The following KDM4B variants were observed in gnomAD, a reference collection of about 807,000 sequenced individuals.
KDM4B encodes lysine demethylase 4B.
A neutral mutation model predicts 125.2 loss-of-function variants in KDM4B; 32 were observed. The observed-to-expected ratio is 0.26, with a 90% CI of 0.19 to 0.34. The LOEUF is 0.34. Ranked by LOEUF, KDM4B falls within the 10% of genes least tolerant of loss-of-function variation. The probability of loss-of-function intolerance (pLI) is 1.00; values close to 1 mark genes in which losing one functional copy is unlikely to be tolerated. For synonymous variants in KDM4B, 721 were observed against 677.9 expected (o/e 1.06, Z -0.99); for missense variants, 1,190 against 1,577.7 (o/e 0.75, Z 4.16).
chr19:4,999,590 CAT>C (rs1158858282), intron 1 of KDM4B, among the ~76,000 whole-genome samples: 1 of 152,154 alleles, frequency 6.6e-6, no homozygotes, highest in Non-Finnish European at 1.5e-5. Flanking sequence ...ATCTTACACA[CAT>C]GTACATTGTG....
intron 6 of KDM4B, among the ~76,000 whole-genome samples, chr19:5,051,539 C>T (rs768280283): frequency 1.3e-5 from 2 of 152,242 alleles, no homozygotes; most frequent in Admixed American, 6.5e-5. Flanking sequence ...CCGAGGACGT[C>T]GTGAGCTGAT....
At position 5,035,992 on chromosome 19, in the gene KDM4B, C is replaced by T. The variant is rs1027648289; in HGVS notation, c.141+2961C>T. Among the ~76,000 whole-genome samples, 4 of 152,156 alleles carry T rather than the reference C, an allele frequency of 2.6e-5. No homozygotes were observed. Among genetic ancestry groups the T allele is most frequent in the African/African-American group, 4.8e-5 (2 of 41,450 alleles). ...CACGTTGGCACCCGCATGTGGCACA[C>T]GCACACCCCCTTCTGCAGCTCTGTG... On this transcript the variant is annotated intron_variant, in intron 3 of 22. Transcript: ENST00000159111. This position sits in a 1 kb window ranked among gnomAD's most constrained non-coding sequence, Gnocchi z 5.3.
rs1289600453 is a variant in KDM4B, at chr19:5,150,443, C to G, written c.3107C>G (p.Ser1036Cys). 2 of 1,550,066 alleles carry G rather than the reference C, an allele frequency of 1.3e-6. No individual in the cohort carries two copies. Among genetic ancestry groups the G allele is most frequent in the South Asian group, 1.2e-5 (1 of 84,012 alleles). Residue 1036 changes from serine to cysteine, a missense_variant, in exon 22 of 23, where the codon TCT (serine) becomes TGT (cysteine). Coordinates refer to ENST00000159111, the MANE Select transcript of KDM4B (RefSeq NM_015015.3). ...GAGGAGCTGCCCAAGAGGGTCCGCT[C>G]TCGGCTGGTGAGTGCGCGAGGCTGG... ...LEEELPKRVR[S>C]RLSLSTGAPQ...
At chr19:5,002,398 T>TTCTCTCTCCTTTCTCTC (rs1568218478) in intron 1 of KDM4B, among the ~76,000 whole-genome samples, 1 of 151,182 alleles carries the variant, frequency 6.6e-6, no homozygotes, top group African/African-American at 2.4e-5. Context: ...CTCCTTTCCT[T>TTCTCTCTCCTTTCTCTC]TCCTTTCTCT....
chr19:4,985,453 A>G (rs2034794867), intron 1 of KDM4B, among the ~76,000 whole-genome samples: 1 of 152,268 alleles, frequency 6.6e-6, no homozygotes, highest in Non-Finnish European at 1.5e-5. Flanking sequence ...CGTGGGCTCC[A>G]GGCGGCTGGT....
chr19:5,114,148 T>A lies in KDM4B; in HGVS notation c.1115+3330T>A, dbSNP rs1392822954. 3 of 1,289,228 alleles carry A rather than the reference T, an allele frequency of 2.3e-6. No homozygotes were observed. Among genetic ancestry groups the A allele is most frequent in the Non-Finnish European group, 3.0e-6 (3 of 988,728 alleles). The allele number at this position is 1,289,228 out of a possible 1,614,324, so 79.9% of individuals were successfully genotyped here. A position where few individuals can be genotyped will look rare whatever the true frequency, so the allele number is the denominator to read the frequency against. On this transcript the variant is annotated intron_variant, in intron 10 of 22. Coordinates refer to ENST00000159111, the MANE Select transcript of KDM4B (RefSeq NM_015015.3). This position sits in a 1 kb window ranked among gnomAD's most constrained non-coding sequence, Gnocchi z 5.8. Reference sequence around the variant, plus strand: ...CTGAGCCGGAGCCCTCACAGTGCTCTCTGGCACCCACGCGACGCTCCTCCA... The same window carrying A: ...CTGAGCCGGAGCCCTCACAGTGCTCACTGGCACCCACGCGACGCTCCTCCA...
At chr19:5,023,991 A>G (rs542357965) in intron 2 of KDM4B, among the ~76,000 whole-genome samples, 9 of 151,918 alleles carry the variant, frequency 5.9e-5, no homozygotes, top group African/African-American at 2.2e-4. Context: ...GCCCCAAGTG[A>G]TCACCCACCT....
intron 2 of KDM4B, among the ~76,000 whole-genome samples, chr19:5,019,580 A>G (rs550917037): frequency 2.3e-4 from 24 of 102,622 alleles, no homozygotes; most frequent in African/African-American, 7.0e-4. Context: ...GTTGGTGTGC[A>G]GGTGTTGGTG....
intron 6 of KDM4B, among the ~76,000 whole-genome samples, chr19:5,061,367 C>T (rs553972966): frequency 6.6e-6 from 1 of 152,222 alleles, no homozygotes; most frequent in African/African-American, 2.4e-5. Context: ...ATTCCATCAT[C>T]TCTTGTCCCG....
intron 8 of KDM4B, among the ~76,000 whole-genome samples, chr19:5,080,337 A>T (rs2038251274): frequency 1.3e-5 from 2 of 152,126 alleles, no homozygotes; most frequent in African/African-American, 4.8e-5. Context: ...TTTCTGGGGG[A>T]ATATATAATG....
At chr19:5,084,889 A>G (rs1251763192) in intron 9 of KDM4B, among the ~76,000 whole-genome samples, 1 of 131,674 alleles carries the variant, frequency 7.6e-6, no homozygotes, top group Non-Finnish European at 1.6e-5. Flanking sequence ...ACCCTTTTAT[A>G]GAGACAGGGT....
intron 9 of KDM4B, among the ~76,000 whole-genome samples, chr19:5,088,609 A>G (rs546645555): frequency 1.2e-3 from 174 of 148,232 alleles, no homozygotes; most frequent in Non-Finnish European, 2.0e-3. Context: ...AGCAGAGACC[A>G]CCGGAGTCCC....
At chr19:5,030,736 C>T (rs565069661) in intron 2 of KDM4B, among the ~76,000 whole-genome samples, 20 of 152,356 alleles carry the variant, frequency 1.3e-4, no homozygotes, top group Admixed American at 3.9e-4. Flanking sequence ...AACTGCCCCT[C>T]GTGGGCCTCT....
intron 9 of KDM4B, among the ~76,000 whole-genome samples, chr19:5,093,591 C>A (rs973553367): frequency 6.6e-6 from 1 of 152,236 alleles, no homozygotes; most frequent in South Asian, 2.1e-4. Context: ...CCTTCCCACG[C>A]GTTCTGTGAG....
intron 6 of KDM4B, among the ~76,000 whole-genome samples, chr19:5,050,523 TG>T (rs901383171): frequency 6.6e-6 from 1 of 152,202 alleles, no homozygotes. Flanking sequence ...TCTTCCTGGG[TG>T]GGGTGGTGGC....
At chr19:5,104,644 G>C (rs1287519345) in intron 9 of KDM4B, among the ~76,000 whole-genome samples, 1 of 152,172 alleles carries the variant, frequency 6.6e-6, no homozygotes, top group East Asian at 1.9e-4. Context: ...CCAGGATTCA[G>C]ACCTCATGTG....
intron 21 of KDM4B, among the ~76,000 whole-genome samples, chr19:5,145,891 C>G (rs1032592050): frequency 2.6e-5 from 4 of 152,232 alleles, no homozygotes; most frequent in African/African-American, 9.6e-5. Context: ...CGGAGTTCAG[C>G]TCTTTACCAC....
intron 9 of KDM4B, among the ~76,000 whole-genome samples, chr19:5,089,306 G>C (rs1335847149): frequency 6.6e-6 from 1 of 152,188 alleles, no homozygotes; most frequent in African/African-American, 2.4e-5. Context: ...GGTTACACAT[G>C]TGTCTCCTGT....
At position 5,141,717 on chromosome 19, in the gene KDM4B, G is replaced by A. The variant is rs957442282; in HGVS notation, c.2551-2250G>A. On this transcript the variant is annotated intron_variant, in intron 18 of 22. Coordinates refer to ENST00000159111, the MANE Select transcript of KDM4B (RefSeq NM_015015.3). The surrounding 1 kb of genome is among the most constrained non-coding windows in gnomAD (Gnocchi z 6.4). ...GTGAGTCAGGGGGCTCCGGCTGGCC[G>A]CCCGCCTGGGCCAAGTTATCACCAC... 6.6e-6 allele frequency among the ~76,000 whole-genome samples: 1 copy of A among 152,206 alleles called. No individual in the cohort carries two copies.
Sources: allele counts gnomAD v4.1 joint callset (sites outside exome capture counted in the v4.1 genomes callset), GRCh38; gene constraint gnomAD v4.1.1; non-coding constraint Gnocchi (gnomAD v3.1); transcripts MANE v1.5; gene names NCBI Gene and HGNC (gene_info 2026-07-23, HGNC 2026-07-21).